The following ADGRB3 variants were observed in gnomAD, a reference collection of about 807,000 sequenced individuals.
ADGRB3 encodes adhesion G protein-coupled receptor B3, also known as brain-specific angiogenesis inhibitor 3.
In ADGRB3, 37 loss-of-function variants were observed where a neutral mutation model predicts 193.4. The observed-to-expected ratio is 0.19, with a 90% confidence interval of 0.15 to 0.25. ADGRB3 has a LOEUF of 0.25. Among genes scored for constraint, ADGRB3 ranks in the 10% least tolerant of loss-of-function variants. The pLI is 1.00. For missense variants in ADGRB3, 1,637 were observed against 1,852.9 expected, an observed-to-expected ratio of 0.88 and a Z score of 2.14; for synonymous variants, 690 against 644.2, an observed-to-expected ratio of 1.07 and a Z score of -1.08.
At chr6:69,315,628 G>A (rs76757302) in intron 20 of ADGRB3, among the ~76,000 whole-genome samples, 6,235 of 151,350 alleles carry the variant, frequency 0.041, 183 homozygotes, top group Admixed American at 0.095. Flanking sequence ...CACTGTGGTC[G>A]TCACCAAAAT....
chr6:68,819,774 TAA>T (rs1767714098), intron 3 of ADGRB3, among the ~76,000 whole-genome samples: 1 of 152,068 alleles, frequency 6.6e-6, no homozygotes, highest in South Asian at 2.1e-4. Context: ...ACAAAATAGA[TAA>T]AAGAGTTAAA....
intron 3 of ADGRB3, among the ~76,000 whole-genome samples, chr6:68,706,361 A>T (rs530899409): frequency 6.6e-5 from 10 of 152,286 alleles, no homozygotes; most frequent in African/African-American, 2.4e-4. Flanking sequence ...AGATATGGTG[A>T]TGTGATTAAA....
At chr6:69,311,840 T>A (rs1457382636) in intron 20 of ADGRB3, among the ~76,000 whole-genome samples, 1 of 151,826 alleles carries the variant, frequency 6.6e-6, no homozygotes, top group African/African-American at 2.4e-5. Context: ...AATTTCTCCA[T>A]GTGATTCTTC....
chr6:69,175,126 G>T (rs1775386465), intron 17 of ADGRB3, among the ~76,000 whole-genome samples: 1 of 151,984 alleles, frequency 6.6e-6, no homozygotes, highest in African/African-American at 2.4e-5. Flanking sequence ...GAACTCACTT[G>T]TCAGTTTTTG....
chr6:68,640,124 A>G (rs888925062), intron 3 of ADGRB3, among the ~76,000 whole-genome samples: 1 of 152,150 alleles, frequency 6.6e-6, no homozygotes, highest in African/African-American at 2.4e-5. Context: ...TTCTGGAGTC[A>G]CCTGAGGACG....
intron 1 of ADGRB3, among the ~76,000 whole-genome samples, chr6:68,636,479 A>C (rs1767957592): frequency 6.7e-6 from 1 of 149,010 alleles, no homozygotes; most frequent in Non-Finnish European, 1.5e-5. Flanking sequence ...TAAATAAATA[A>C]AACATCCTTG....
At position 69,048,238 on chromosome 6, in the gene ADGRB3, C is replaced by G. The variant is rs1242236635; in HGVS notation, c.2161C>G (p.Pro721Ala). Residue 721 changes from proline to alanine, a missense_variant, in exon 14 of 32, where the codon CCA becomes GCA. Coordinates refer to ENST00000370598, the MANE Select transcript of ADGRB3 (RefSeq NM_001704.3). The part of the protein sequence containing the change: ...AASVLTDINF[P>A]MKGRKGMVDW... Reference sequence around the variant, plus strand: ...CTCTGTTCTAACAGACATCAACTTTCCAATGAAAGGACGGAAGGGAATGGT... The same window carrying G: ...CTCTGTTCTAACAGACATCAACTTTGCAATGAAAGGACGGAAGGGAATGGT... 1 of 1,613,626 alleles carries G rather than the reference C, an allele frequency of 6.2e-7. No homozygotes were observed. The highest frequency in any genetic ancestry group is 1.7e-5 in the Admixed American group (1 of 60,014).
At chr6:68,946,767 A>T (rs1352463714) in intron 6 of ADGRB3, among the ~76,000 whole-genome samples, 1 of 152,108 alleles carries the variant, frequency 6.6e-6, no homozygotes, top group African/African-American at 2.4e-5. Context: ...GTGTGGGATA[A>T]TGTTAAAGCA....
chr6:69,265,609 A>T (rs935707591), intron 20 of ADGRB3, among the ~76,000 whole-genome samples: 1 of 152,032 alleles, frequency 6.6e-6, no homozygotes, highest in African/African-American at 2.4e-5. Flanking sequence ...TTCCAAAAAT[A>T]AAGAAATAAT....
chr6:68,931,626 G>T (rs1449257067), intron 4 of ADGRB3, among the ~76,000 whole-genome samples: 1 of 152,100 alleles, frequency 6.6e-6, no homozygotes, highest in African/African-American at 2.4e-5. Context: ...CATTTAGACT[G>T]ATAGTGATGA....
intron 3 of ADGRB3, among the ~76,000 whole-genome samples, chr6:68,906,314 A>G (rs968513477): frequency 5.9e-5 from 9 of 151,850 alleles, no homozygotes; most frequent in African/African-American, 1.2e-4. Flanking sequence ...GAGGTATACC[A>G]TATATATTGT....
chr6:69,367,892 A>G (rs570668015), intron 29 of ADGRB3, among the ~76,000 whole-genome samples: 66 of 151,274 alleles, frequency 4.4e-4, no homozygotes, highest in African/African-American at 1.5e-3. Context: ...AACTATCGCA[A>G]GAACAAAAAA....
chr6:68,842,297 A>G (rs1055488463), intron 3 of ADGRB3, among the ~76,000 whole-genome samples: 5 of 151,956 alleles, frequency 3.3e-5, no homozygotes, highest in African/African-American at 1.2e-4. Flanking sequence ...ACTAAAAAAA[A>G]TCCAAATAAA....
chr6:68,739,145 A>C (rs982433766), intron 3 of ADGRB3, among the ~76,000 whole-genome samples: 23 of 152,198 alleles, frequency 1.5e-4, no homozygotes, highest in Admixed American at 1.5e-3. Flanking sequence ...CCTTACCAAC[A>C]ATACTTTACC....
intron 17 of ADGRB3, among the ~76,000 whole-genome samples, chr6:69,222,685 T>C (rs569064067): frequency 6.6e-4 from 100 of 152,250 alleles, no homozygotes; most frequent in Non-Finnish European, 1.1e-3. Flanking sequence ...TATTATCTAA[T>C]ATTTATTGAA....
At chr6:69,156,526 G>A (rs1403108910) in intron 17 of ADGRB3, among the ~76,000 whole-genome samples, 1 of 152,150 alleles carries the variant, frequency 6.6e-6, no homozygotes, top group East Asian at 1.9e-4. Flanking sequence ...AGAAAAGAGA[G>A]TTCATCTGGG....
chr6:69,039,931 G>A (rs1026654268), intron 13 of ADGRB3, among the ~76,000 whole-genome samples: 15 of 151,814 alleles, frequency 9.9e-5, no homozygotes, highest in Non-Finnish European at 2.1e-4. Context: ...TAATAAAGAT[G>A]GGGTTTCACT....
chr6:68,954,304 G>C (rs867605536), intron 6 of ADGRB3, among the ~76,000 whole-genome samples: 1 of 151,928 alleles, frequency 6.6e-6, no homozygotes, highest in Admixed American at 6.6e-5. Context: ...TTTTATTTCT[G>C]TGTATCTTGT....
intron 17 of ADGRB3, among the ~76,000 whole-genome samples, chr6:69,121,213 C>T (rs546252824): frequency 1.2e-4 from 19 of 152,008 alleles, no homozygotes; most frequent in Non-Finnish European, 2.2e-4. Context: ...TGACTCTTAA[C>T]GAGCATGCTG....
Sources: gnomAD v4.1 joint callset for allele counts (sites outside exome capture counted in the v4.1 genomes callset) on GRCh38, gnomAD v4.1.1 for gene constraint, MANE v1.5 for transcripts, NCBI Gene and HGNC (gene_info 2026-07-23, HGNC 2026-07-21) for gene names.